PCDHGB3: variants seen among roughly 807,000 people sequenced by gnomAD.
PCDHGB3 encodes the protein protocadherin gamma-B3.
A neutral mutation model predicts 59.2 loss-of-function variants in PCDHGB3; 40 were observed. The ratio of observed to expected loss-of-function variants is 0.68; its 90% CI spans 0.52 to 0.88. PCDHGB3 has a LOEUF of 0.88. Ranked by LOEUF, PCDHGB3 falls within the 40% of genes least tolerant of loss-of-function variation. PCDHGB3 has a pLI of 0.00. For synonymous variants in PCDHGB3, 581 were observed against 503.6 expected, an observed-to-expected ratio of 1.15 and a Z score of -2.06; for missense variants, 1,309 against 1,187.9, an observed-to-expected ratio of 1.10 and a Z score of -1.50.
chr5:141,439,556 C>A (rs543620281), intron 1 of PCDHGB3, among the ~76,000 whole-genome samples: 1 of 152,268 alleles, frequency 6.6e-6, no homozygotes, highest in East Asian at 1.9e-4. Context: ...CTTCAGGCTG[C>A]AGTTCTAGAG....
chr5:141,409,014 AG>A, intron 1 of PCDHGB3: 1 of 1,614,014 alleles, frequency 6.2e-7, no homozygotes, highest in Non-Finnish European at 8.5e-7. Context: ...GACCAGGATG[AG>A]GGGGTCAATG....
At chr5:141,375,036 G>A (rs1229219386) in intron 1 of PCDHGB3, 6 of 1,614,002 alleles carry the variant, frequency 3.7e-6, no homozygotes, top group Admixed American at 1.7e-5. Context: ...TATGAGCTGG[G>A]TGTTGAAGCC....
intron 1 of PCDHGB3, among the ~76,000 whole-genome samples, chr5:141,400,971 C>T (rs1161811260): frequency 6.6e-6 from 1 of 152,138 alleles, no homozygotes; most frequent in African/African-American, 2.4e-5. Flanking sequence ...TCATCTCTTT[C>T]TTATGTTCCT....
rs201378410 is a variant in PCDHGB3, at chr5:141,414,802, G to T, written c.2415+41993G>T. Reference sequence around the variant, plus strand: ...GCAGGTGACAGCCAGCGACAGCGGGGATCCTCCACTCAGCAGCAACGTGTC... The same window carrying T: ...GCAGGTGACAGCCAGCGACAGCGGGTATCCTCCACTCAGCAGCAACGTGTC... On this transcript the variant is annotated intron_variant, in intron 1 of 3. Coordinates refer to ENST00000576222, the MANE Select transcript of PCDHGB3 (RefSeq NM_018924.5). The T allele has an allele frequency of 4.3e-6, 7 of 1,614,226 alleles. No homozygotes were observed. The African/African-American group carries it at 8.0e-5, about 18-fold the overall frequency.
chr5:141,427,875 C>A, intron 1 of PCDHGB3: 1 of 1,560,408 alleles, frequency 6.4e-7, no homozygotes. Flanking sequence ...GCTCACGATG[C>A]AGGCCCACGA....
Position 141,375,991 on chromosome 5 carries a change from C to A in PCDHGB3, c.2415+3182C>A, listed in dbSNP as rs770239249. 2 of 1,613,448 alleles carry A rather than the reference C, an allele frequency of 1.2e-6. No homozygotes were observed. The highest frequency in any genetic ancestry group is 2.7e-5 in the African/African-American group (2 of 75,068). On this transcript the variant is annotated intron_variant, in intron 1 of 3. Transcript: ENST00000576222. ...CGGCGCGCGCCCTGCTGGACAGAGA[C>A]GCGCTCAAGCAGAGCCTAGTGGTGG...
In PCDHGB3 at chr5:141,371,551, T is replaced by A. The variant is rs1561551438; in HGVS notation, c.1157T>A (p.Leu386Gln). The change falls in exon 1 of 4, where the codon CTA (leucine) becomes CAA (glutamine). Residue 386 changes from leucine to glutamine, a missense_variant. Transcript: ENST00000576222. The part of the protein sequence containing the change: ...SGFNGEILCQ[L>Q]KGNFPFKIVQ... ...TTTAATGGAGAAATCCTATGCCAAC[T>A]AAAAGGAAACTTCCCCTTTAAAATC... 6.2e-7 allele frequency: 1 copy of A among 1,613,704 alleles called. No individual in the cohort carries two copies. Among genetic ancestry groups the A allele is most frequent in the Non-Finnish European group, 8.5e-7 (1 of 1,179,786 alleles).
rs1228676619 is a variant in PCDHGB3, at chr5:141,388,743, A to T, written c.2415+15934A>T. 3 of 1,614,034 alleles carry T rather than the reference A, an allele frequency of 1.9e-6. No homozygotes were observed. The Admixed American group carries it at 5.0e-5, about 27-fold the overall frequency. On this transcript the variant is annotated intron_variant, in intron 1 of 3. Coordinates refer to ENST00000576222, the MANE Select transcript of PCDHGB3 (RefSeq NM_018924.5). ...TTTCTCTTTCAGTGAAGCTAGCCAG[A>T]TCACCCAATTTGACCTGAACTCTAA...
At position 141,477,961 on chromosome 5, in the gene PCDHGB3, C is replaced by G. The variant is rs199947431; in HGVS notation, c.2416-16846C>G. On this transcript the variant is annotated intron_variant, in intron 1 of 3. Transcript: ENST00000576222. The surrounding 1 kb of genome is among the most constrained non-coding windows in gnomAD (Gnocchi z 4.9). ...CCTACAGTCTCTTGGGATCCCCTAA[C>G]CAGAGCCTTTTTGCCATAGGGCTGC... 10 of 1,614,166 alleles carry G rather than the reference C, an allele frequency of 6.2e-6. No individual in the cohort carries two copies. Among genetic ancestry groups the G allele is most frequent in the Middle Eastern group, 3.3e-4 (2 of 6,062 alleles).
intron 1 of PCDHGB3, among the ~76,000 whole-genome samples, chr5:141,434,860 A>G (rs2097723622): frequency 6.6e-6 from 1 of 151,982 alleles, no homozygotes; most frequent in African/African-American, 2.4e-5. Flanking sequence ...ATAAATTTAT[A>G]TATATGTGAC....
Position 141,489,179 on chromosome 5 carries a change from C to T in PCDHGB3, c.2416-5628C>T. ...AGACTTCAGCTGCTGCATTCCAAGC[C>T]CTGGGTCTACCTTGGAGACAGGACA... On this transcript the variant is annotated intron_variant, in intron 1 of 3. Coordinates refer to ENST00000576222, the MANE Select transcript of PCDHGB3 (RefSeq NM_018924.5). The surrounding 1 kb of genome is among the most constrained non-coding windows in gnomAD (Gnocchi z 4.5). The T allele has an allele frequency of 8.0e-7, 1 of 1,243,186 alleles. No individual in the cohort carries two copies. The highest frequency in any genetic ancestry group is 1.1e-6 in the Non-Finnish European group (1 of 890,032). The allele number at this position is 1,243,186 out of a possible 1,614,324, so 77.0% of individuals were successfully genotyped here. A position where few individuals can be genotyped will look rare whatever the true frequency, so the allele number is the denominator to read the frequency against.
intron 1 of PCDHGB3, among the ~76,000 whole-genome samples, chr5:141,446,777 CT>C (rs1480571336): frequency 6.6e-6 from 1 of 152,072 alleles, no homozygotes; most frequent in South Asian, 2.1e-4. Context: ...GGTTACCATT[CT>C]TTTACTCTGA....
At chr5:141,450,190 G>A (rs1368992094) in intron 1 of PCDHGB3, among the ~76,000 whole-genome samples, 1 of 151,588 alleles carries the variant, frequency 6.6e-6, no homozygotes, top group African/African-American at 2.4e-5. Flanking sequence ...GCTAATTTTT[G>A]TATTTTTAGT....
chr5:141,403,207 CACCGCGGGTAGGATAG>C, intron 1 of PCDHGB3: 1 of 1,613,966 alleles, frequency 6.2e-7, no homozygotes, highest in South Asian at 1.1e-5. Context: ...GCACCTTGGT[CACCGCGGGTAGGATAG>C]ACCGGGAGGA....
chr5:141,439,830 C>T (rs2098134193), intron 1 of PCDHGB3: 1 of 152,352 alleles, frequency 6.6e-6, no homozygotes, highest in South Asian at 2.1e-4. Context: ...GCTGGAGCAG[C>T]AGCAACTCTA....
chr5:141,393,533 G>T (rs1475648389), intron 1 of PCDHGB3: 2 of 1,613,950 alleles, frequency 1.2e-6, no homozygotes, highest in South Asian at 1.1e-5. Flanking sequence ...ACAATGCCCC[G>T]GTTTTTCCTC....
intron 1 of PCDHGB3, chr5:141,399,490 G>A (rs750081604): frequency 1.1e-5 from 17 of 1,614,036 alleles, no homozygotes; most frequent in Non-Finnish European, 1.4e-5. Flanking sequence ...GTCCTACTTA[G>A]TCAGTGTACC....
intron 1 of PCDHGB3, chr5:141,375,441 C>G (rs904228732): frequency 6.2e-7 from 1 of 1,614,030 alleles, no homozygotes. Context: ...CCCACCTTCC[C>G]CCATTCATCC....
Position 141,487,322 on chromosome 5 carries a change from C to T in PCDHGB3, c.2416-7485C>T, listed in dbSNP as rs760334964. 7.4e-6 allele frequency: 12 copies of T among 1,614,134 alleles called. No homozygotes were observed. Among genetic ancestry groups the T allele is most frequent in the South Asian group, 3.3e-5 (3 of 91,082 alleles). ...CGTGGCACTACTCTCTAAGTGTCTT[C>T]GTGGGGCAGCCTGTGGAGTCACATG... On this transcript the variant is annotated intron_variant, in intron 1 of 3. Coordinates refer to ENST00000576222, the MANE Select transcript of PCDHGB3 (RefSeq NM_018924.5). The surrounding 1 kb of genome is among the most constrained non-coding windows in gnomAD (Gnocchi z 5.0).
Sources: gnomAD v4.1 joint callset for allele counts (sites outside exome capture counted in the v4.1 genomes callset) on GRCh38, gnomAD v4.1.1 for gene constraint, Gnocchi (gnomAD v3.1) non-coding constraint, MANE v1.5 for transcripts, NCBI Gene and HGNC (gene_info 2026-07-23, HGNC 2026-07-21) for gene names.